Variants in CR1L observed in about 807,000 individuals in gnomAD.
CR1L encodes complement component receptor 1-like protein.
Under a neutral mutation model 62.3 loss-of-function variants are expected in CR1L, and 59 were observed. That is an observed-to-expected ratio of 0.95 (90% CI 0.77 to 1.18). CR1L has a LOEUF of 1.18. CR1L is among the 50% of genes most tolerant of loss of function. CR1L has a pLI of 0.00. For synonymous variants in CR1L, 279 were observed against 248.7 expected, an observed-to-expected ratio of 1.12 and a Z score of -1.15; for missense variants, 700 against 702.8, an observed-to-expected ratio of 1.00 and a Z score of 0.04.
At chr1:207,658,165 C>T (rs141984844) in intron 1 of CR1L, among the ~76,000 whole-genome samples, 7 of 151,616 alleles carry the variant, frequency 4.6e-5, no homozygotes, top group East Asian at 1.9e-4. Flanking sequence ...AACATACTTA[C>T]GTTAGAAAAA....
At position 207,694,505 on chromosome 1, in the gene CR1L, T is replaced by C. The variant is rs775452801; in HGVS notation, c.616T>C (p.Tyr206His). The C allele has an allele frequency of 6.2e-7, 1 of 1,613,752 alleles. No homozygotes were observed. Among genetic ancestry groups the C allele is most frequent in the South Asian group, 1.1e-5 (1 of 91,084 alleles). The stretch of plus-strand genomic sequence containing the variant: ...TGAGCTTGTGGGTGAGCCCTCCATA[T>C]ACTGCACCAGCAAAGATGATCAAGT... ...VFELVGEPSIYCTSKDDQVGI... is the reference protein window; with the variant it reads ...VFELVGEPSIHCTSKDDQVGI... Residue 206 changes from tyrosine to histidine, a missense_variant, in exon 5 of 12, where the codon TAC (tyrosine) becomes CAC (histidine). By Grantham distance (83) the Tyr-to-His change is moderately conservative. Coordinates refer to ENST00000508064, the MANE Select transcript of CR1L (RefSeq NM_175710.2).
intron 10 of CR1L, among the ~76,000 whole-genome samples, chr1:207,709,719 C>G (rs554774180): frequency 7.9e-5 from 12 of 151,198 alleles, no homozygotes; most frequent in African/African-American, 2.9e-4. Flanking sequence ...TGTCTGTAAT[C>G]CCAGCTACTT....
intron 1 of CR1L, among the ~76,000 whole-genome samples, chr1:207,651,547 C>A (rs898767550): frequency 6.6e-6 from 1 of 152,060 alleles, no homozygotes; most frequent in African/African-American, 2.4e-5. Context: ...ATAGAAGAGG[C>A]CTTTGCATTC....
chr1:207,681,366 G>A (rs1485569383), intron 3 of CR1L, among the ~76,000 whole-genome samples: 1 of 152,156 alleles, frequency 6.6e-6, no homozygotes, highest in Non-Finnish European at 1.5e-5. Flanking sequence ...AGGTAGGGTA[G>A]GATGTAAAGG....
At chr1:207,663,031 T>C (rs946989016) in intron 1 of CR1L, among the ~76,000 whole-genome samples, 5 of 152,176 alleles carry the variant, frequency 3.3e-5, no homozygotes, top group African/African-American at 1.2e-4. Context: ...GAGTACCCGC[T>C]GTGTGAGGTG....
intron 4 of CR1L, among the ~76,000 whole-genome samples, chr1:207,692,186 T>C (rs1252508615): frequency 6.6e-6 from 1 of 152,254 alleles, no homozygotes; most frequent in East Asian, 1.9e-4. Context: ...TTAAACTATG[T>C]AAGGCTTTAG....
Position 207,719,480 on chromosome 1 carries a change from G to T in CR1L, c.1642+1789G>T, listed in dbSNP as rs1375556261. 3.9e-5 allele frequency among the ~76,000 whole-genome samples: 6 copies of T among 152,032 alleles called. No individual in the cohort carries two copies. The East Asian group carries it at 9.7e-4, about 24-fold the overall frequency. On this transcript the variant is annotated intron_variant, in intron 11 of 11. Coordinates refer to ENST00000508064, the MANE Select transcript of CR1L (RefSeq NM_175710.2). ...TATGTCTGTAATACCAGCACTTTGG[G>T]AGGCTAAAGTGAGACGATCACTTGA...
intron 11 of CR1L, among the ~76,000 whole-genome samples, chr1:207,721,253 A>G (rs1654131095): frequency 6.6e-6 from 1 of 151,952 alleles, no homozygotes. Context: ...CAGGTTAGTT[A>G]CATATGTATA....
At chr1:207,723,442 T>A (rs1429141250) in intron 11 of CR1L, among the ~76,000 whole-genome samples, 176 bp from the exon 12 acceptor site, 1 of 151,522 alleles carries the variant, frequency 6.6e-6, no homozygotes. Flanking sequence ...AAAAAAAATC[T>A]TCTCTGAGTG....
intron 1 of CR1L, among the ~76,000 whole-genome samples, chr1:207,674,000 T>C (rs1347107710): frequency 6.6e-6 from 1 of 152,130 alleles, no homozygotes; most frequent in Non-Finnish European, 1.5e-5. Flanking sequence ...AGGAAACAAT[T>C]TGTATATGTG....
chr1:207,650,700 G>A (rs557929483), intron 1 of CR1L, among the ~76,000 whole-genome samples: 25 of 152,280 alleles, frequency 1.6e-4, no homozygotes, highest in Admixed American at 1.5e-3. Flanking sequence ...AATCTGGGCA[G>A]GGCTGTGGGT....
rs1334339243 is a variant in CR1L at position 207,698,442 on chromosome 1, C to T, written c.1142+569C>T. ...TTCTGATGGCTGCTGTTAATATTTC[C>T]AGCAAGGTCATTACCTTGTTTATGT... On this transcript the variant is annotated intron_variant, in intron 7 of 11. Transcript: ENST00000508064. Among the ~76,000 whole-genome samples, 4 of 152,282 alleles carry T rather than the reference C, an allele frequency of 2.6e-5. No individual in the cohort carries two copies. In the East Asian group the frequency reaches 7.7e-4, roughly 29 times the overall value.
intron 1 of CR1L, chr1:207,652,440 A>G (rs1663236788): frequency 1.4e-6 from 1 of 703,738 alleles, no homozygotes. Flanking sequence ...AAATCTTGCC[A>G]AGGGCCTTCC....
intron 4 of CR1L, among the ~76,000 whole-genome samples, chr1:207,689,368 A>AGT (rs1202372563): frequency 6.6e-6 from 1 of 151,652 alleles, no homozygotes; most frequent in Non-Finnish European, 1.5e-5. Context: ...AATGTGTGTG[A>AGT]GTGTGTGTGT....
At chr1:207,676,902 C>A (rs145233513) in intron 1 of CR1L, among the ~76,000 whole-genome samples, 4,256 of 152,266 alleles carry the variant, frequency 0.028, 206 homozygotes, top group African/African-American at 0.096. Context: ...GTGACCCACC[C>A]ACCTTGGTCT....
rs1664299432 is a variant in CR1L at position 207,708,203 on chromosome 1, G to A, written c.1354G>A (p.Ala452Thr). The change falls in exon 10 of 12, where the codon GCT becomes ACT. Residue 452 changes from alanine (A) to threonine (T), a missense_variant. Coordinates refer to ENST00000508064, the MANE Select transcript of CR1L (RefSeq NM_175710.2). ...TGHRLIGHSS[A>T]ECILSGNTAH... The stretch of plus-strand genomic sequence containing the variant: ...GCACCGACTCATTGGTCACTCATCT[G>A]CTGAATGTATCCTCTCGGGCAATAC... The A allele has an allele frequency of 1.9e-6, 3 of 1,611,438 alleles. No individual in the cohort carries two copies. The East Asian group carries it at 6.7e-5, about 36-fold the overall frequency.
chr1:207,654,849 C>G (rs1390714643), intron 1 of CR1L, among the ~76,000 whole-genome samples: 1 of 152,210 alleles, frequency 6.6e-6, no homozygotes, highest in Non-Finnish European at 1.5e-5. Context: ...AGGGCCTGTT[C>G]TCTCTACAGT....
At chr1:207,686,787 T>C (rs1663918392) in intron 4 of CR1L, among the ~76,000 whole-genome samples, 1 of 152,154 alleles carries the variant, frequency 6.6e-6, no homozygotes, top group Non-Finnish European at 1.5e-5. Context: ...TCTTTACCCC[T>C]AAGGTGATGA....
chr1:207,691,723 T>C (rs1224346731), intron 4 of CR1L, among the ~76,000 whole-genome samples: 1 of 152,244 alleles, frequency 6.6e-6, no homozygotes, highest in African/African-American at 2.4e-5. Flanking sequence ...CTACTAAAAT[T>C]GTGCTTTTAC....
Sources: allele counts gnomAD v4.1 joint callset (sites outside exome capture counted in the v4.1 genomes callset), GRCh38; gene constraint gnomAD v4.1.1; transcripts MANE v1.5; gene names NCBI Gene and HGNC (gene_info 2026-07-23, HGNC 2026-07-21).